The following EDIL3 variants were observed in gnomAD, a reference collection of about 807,000 sequenced individuals.
EDIL3 encodes the protein EGF-like repeat and discoidin I-like domain-containing protein 3.
In EDIL3, 37 loss-of-function variants were observed where a neutral mutation model predicts 67.4. The ratio of observed to expected loss-of-function variants is 0.55; its 90% CI spans 0.42 to 0.72. EDIL3 has a LOEUF of 0.72. EDIL3 is among the 30% of genes least tolerant of loss of function. The probability of loss-of-function intolerance (pLI) is 0.00; values close to 1 mark genes in which losing one functional copy is unlikely to be tolerated. For synonymous variants in EDIL3, 195 were observed against 196.3 expected (o/e 0.99, Z 0.05); for missense variants, 527 against 586.3 (o/e 0.90, Z 1.04).
chr5:84,270,015 G>A (rs1446303706), intron 1 of EDIL3, among the ~76,000 whole-genome samples: 1 of 152,170 alleles, frequency 6.6e-6, no homozygotes, highest in Non-Finnish European at 1.5e-5. Context: ...TAAAGTTGGA[G>A]TAAGCGAGAG....
At chr5:84,232,400 T>TA (rs200460672) in intron 2 of EDIL3, among the ~76,000 whole-genome samples, 1 of 59,550 alleles carries the variant, frequency 1.7e-5, no homozygotes, top group Non-Finnish European at 3.4e-5. Context: ...AAGTGATGTC[T>TA]AAGAAGGAAG....
chr5:84,073,125 G>C (rs965852377), intron 6 of EDIL3, among the ~76,000 whole-genome samples: 1 of 152,030 alleles, frequency 6.6e-6, no homozygotes, highest in African/African-American at 2.4e-5. Context: ...ATGCAGAAAA[G>C]GCCTTTGACA....
intron 4 of EDIL3, among the ~76,000 whole-genome samples, chr5:84,166,946 T>A (rs769603738): frequency 2.0e-5 from 3 of 151,954 alleles, no homozygotes; most frequent in Non-Finnish European, 2.9e-5. Context: ...CAAGGTGGAG[T>A]ATAGTTGGAT....
intron 9 of EDIL3, among the ~76,000 whole-genome samples, chr5:84,052,377 A>G (rs1309640951): frequency 6.6e-6 from 1 of 152,136 alleles, no homozygotes; most frequent in Non-Finnish European, 1.5e-5. Flanking sequence ...AAAGACCATC[A>G]ATGCTAGGAA....
chr5:84,238,724 C>T (rs1744731650), intron 2 of EDIL3, among the ~76,000 whole-genome samples: 1 of 126,588 alleles, frequency 7.9e-6, no homozygotes. Flanking sequence ...ATAGTGTATC[C>T]ACATTTGGGT....
At chr5:84,284,310 G>C (rs941537933) in intron 1 of EDIL3, among the ~76,000 whole-genome samples, 5 of 152,016 alleles carry the variant, frequency 3.3e-5, no homozygotes, top group African/African-American at 1.2e-4. Context: ...ACCTTTCCAA[G>C]TCCCAGTTGT....
chr5:84,040,947 C>G (rs1746109361), intron 9 of EDIL3, among the ~76,000 whole-genome samples: 1 of 152,078 alleles, frequency 6.6e-6, no homozygotes, highest in Non-Finnish European at 1.5e-5. Context: ...GCCTGGGCAA[C>G]ATGGCAAAAC....
rs187112823 is a variant in EDIL3 at position 84,142,533 on chromosome 5, G to A, written c.356-5179C>T. On this transcript the variant is annotated intron_variant, in intron 4 of 10. Transcript: ENST00000296591. The stretch of plus-strand genomic sequence containing the variant: ...CCTTGAGTTCTCTCAGAACTCCTCA[G>A]GAAAATGCCATCTGTCCTCAGTAGT... Among the ~76,000 whole-genome samples the A allele has an allele frequency of 2.0e-5, 3 of 151,824 alleles. No individual in the cohort carries two copies. The East Asian group carries it at 5.8e-4, about 30-fold the overall frequency.
At chr5:84,021,193 TC>T (rs1404161758) in intron 9 of EDIL3, among the ~76,000 whole-genome samples, 5 of 151,872 alleles carry the variant, frequency 3.3e-5, no homozygotes, top group African/African-American at 7.2e-5. Flanking sequence ...CATTTTGTGA[TC>T]CTTTTTTTTC....
intron 5 of EDIL3, among the ~76,000 whole-genome samples, chr5:84,110,204 C>G (rs1044267869): frequency 6.6e-6 from 1 of 152,080 alleles, no homozygotes; most frequent in Non-Finnish European, 1.5e-5. Context: ...CAAATCCAAG[C>G]CTTAGATTTA....
intron 4 of EDIL3, among the ~76,000 whole-genome samples, chr5:84,176,210 T>TATATATATATATATATATA (rs1748908438): frequency 2.1e-4 from 8 of 37,774 alleles, no homozygotes; most frequent in African/African-American, 6.0e-4. Flanking sequence ...TATATATATA[T>TATATATATATATATATATA]ATATATATAT....
rs147927896 is a variant in EDIL3, at chr5:84,053,157, C to T, written c.1137+7143G>A. Among the ~76,000 whole-genome samples, 7 of 152,314 alleles carry T rather than the reference C, an allele frequency of 4.6e-5. No individual in the cohort carries two copies. In the East Asian group the frequency reaches 1.4e-3, roughly 29 times the overall value. Reference sequence around the variant, plus strand: ...CTAGAACTCAGGATTAATAAACTCACTCAAAACCACTCAACTACATGGGAA... The same window carrying T: ...CTAGAACTCAGGATTAATAAACTCATTCAAAACCACTCAACTACATGGGAA... On this transcript the variant is annotated intron_variant, in intron 9 of 10. Transcript: ENST00000296591.
intron 1 of EDIL3, among the ~76,000 whole-genome samples, chr5:84,319,484 CAAAA>C (rs1561255903): frequency 2.4e-4 from 5 of 20,808 alleles, no homozygotes; most frequent in African/African-American, 5.6e-4. Flanking sequence ...AAACAAAAAA[CAAAA>C]AACAACAAAA....
At chr5:84,141,999 C>CT (rs1554070005) in intron 4 of EDIL3, among the ~76,000 whole-genome samples, 1 of 143,686 alleles carries the variant, frequency 7.0e-6, no homozygotes, top group Non-Finnish European at 1.5e-5. Context: ...ATCTATCTAT[C>CT]ATATTGAGCA....
chr5:84,057,399 G>T lies in EDIL3; in HGVS notation c.1137+2901C>A, dbSNP rs75903748. Reference sequence around the variant, plus strand: ...ACCAACCTCCTGAGCTACTTATGGGGTGTAAAATAGTTTGCCTTATTCCAC... The same window carrying T: ...ACCAACCTCCTGAGCTACTTATGGGTTGTAAAATAGTTTGCCTTATTCCAC... On this transcript the variant is annotated intron_variant, in intron 9 of 10. Transcript: ENST00000296591. Among the ~76,000 whole-genome samples, 3 of 73,960 alleles carry T rather than the reference G, an allele frequency of 4.1e-5. No individual in the cohort carries two copies. The East Asian group carries it at 1.0e-3, about 25-fold the overall frequency. 48.5% of individuals were successfully genotyped at this position (73,960 alleles called of 152,430 possible).
chr5:84,351,828 A>G (rs897895490), intron 1 of EDIL3, among the ~76,000 whole-genome samples: 8 of 152,240 alleles, frequency 5.3e-5, no homozygotes, highest in South Asian at 4.1e-4. Context: ...ATACCAAAAG[A>G]AATAATCAGC....
At chr5:83,984,086 C>G (rs1162658531) in intron 9 of EDIL3, among the ~76,000 whole-genome samples, 1 of 151,920 alleles carries the variant, frequency 6.6e-6, no homozygotes, top group African/African-American at 2.4e-5. Flanking sequence ...GAGGCTAAGT[C>G]AGGGCAGTTG....
At chr5:84,070,165 A>C (rs1275466759) in intron 6 of EDIL3, among the ~76,000 whole-genome samples, 1 of 151,784 alleles carries the variant, frequency 6.6e-6, no homozygotes, top group Non-Finnish European at 1.5e-5. Flanking sequence ...ACTCAACAAA[A>C]CCTTGCACTC....
At chr5:84,034,665 C>T (rs1386317958) in intron 9 of EDIL3, among the ~76,000 whole-genome samples, 1 of 152,114 alleles carries the variant, frequency 6.6e-6, no homozygotes, top group Non-Finnish European at 1.5e-5. Flanking sequence ...TCATAGATGC[C>T]ATCTTATTTC....
Sources: allele counts gnomAD v4.1 joint callset (sites outside exome capture counted in the v4.1 genomes callset), GRCh38; gene constraint gnomAD v4.1.1; transcripts MANE v1.5; gene names NCBI Gene and HGNC (gene_info 2026-07-23, HGNC 2026-07-21).